CELF2: variants seen among roughly 807,000 people sequenced by gnomAD.
CELF2 encodes CUG triplet repeat RNA-binding protein 2.
In CELF2, 8 loss-of-function variants were observed where a neutral mutation model predicts 62.6. That is an observed-to-expected ratio of 0.13 (90% CI 0.07 to 0.23). CELF2 has a LOEUF of 0.23. Among genes scored for constraint, CELF2 ranks in the 10% least tolerant of loss-of-function variants. The pLI is 1.00. For synonymous variants in CELF2, 258 were observed against 250.0 expected (o/e 1.03, Z -0.30); for missense variants, 333 against 671.0 (o/e 0.50, Z 5.56).
At position 11,305,453 on chromosome 10, in the gene CELF2, GAA is replaced by G. The variant is rs1288903866; in HGVS notation, c.977-8684_977-8683del. Among the ~76,000 whole-genome samples, 1 of 152,212 alleles carries G rather than the reference GAA, an allele frequency of 6.6e-6. No individual in the cohort carries two copies. The highest frequency in any genetic ancestry group is 1.5e-5 in the Non-Finnish European group (1 of 68,044). Reference sequence around the variant, plus strand: ...CTGCTTCCTCATCTTTCAAGCGCAGGAAAGACTCCAGTCTAGTTCACAGTTTG... The same window carrying G: ...CTGCTTCCTCATCTTTCAAGCGCAGGAGACTCCAGTCTAGTTCACAGTTTG... On this transcript the variant is annotated intron_variant, in intron 9 of 12. Transcript: ENST00000633077. This position sits in a 1 kb window ranked among gnomAD's most constrained non-coding sequence, Gnocchi z 4.8.
chr10:11,180,845 C>T (rs1565131680), intron 2 of CELF2, among the ~76,000 whole-genome samples: 1 of 151,504 alleles, frequency 6.6e-6, no homozygotes, highest in Non-Finnish European at 1.5e-5. Context: ...TATGTGGCAG[C>T]ATGGAATGAA....
intron 9 of CELF2, among the ~76,000 whole-genome samples, chr10:11,294,271 T>G (rs2092888388): frequency 6.6e-6 from 1 of 152,206 alleles, no homozygotes; most frequent in African/African-American, 2.4e-5. Flanking sequence ...CCCCAGAAAG[T>G]GCCCATTAGC....
chr10:10,767,743 TC>T, the CELF2 span, among the ~76,000 whole-genome samples: 1 of 152,122 alleles, frequency 6.6e-6, no homozygotes, highest in African/African-American at 2.4e-5. Context: ...ACGCCTGTAA[TC>T]CCAGCACTTT....
chr10:11,155,300 C>T lies in CELF2; in HGVS notation c.75-10186C>T, dbSNP rs74808241. Among the ~76,000 whole-genome samples the T allele has an allele frequency of 2.2e-3, 340 of 152,312 alleles. 2 individuals carry two copies. The East Asian group carries it at 0.032, about 14-fold the overall frequency. ...GCCGTCCTTGGGAATGGCTAGGGAA[C>T]ACATCTGAGCCCCTGCTGCGAGTGG... On this transcript the variant is annotated intron_variant, in intron 1 of 12. Transcript: ENST00000633077.
chr10:10,935,366 T>C (rs1003383753), intron 2 of CELF2: 1 of 152,178 alleles, frequency 6.6e-6, no homozygotes, highest in African/African-American at 2.4e-5. Flanking sequence ...AGCTATTCAT[T>C]TTGTCACCTT....
Position 11,010,713 on chromosome 10 carries a change from AT to A in CELF2, c.53+5277del, listed in dbSNP as rs2137408800. On this transcript the variant is annotated intron_variant, in intron 1 of 12. Coordinates refer to the CELF2 transcript ENST00000416382. This position sits in a 1 kb window ranked among gnomAD's most constrained non-coding sequence, Gnocchi z 4.1. ...ACAGTATAACTATTTAATAGTTGAC[AT>A]TTTAAAGACATTTCTTTCTCTGGTG... 6.6e-6 allele frequency among the ~76,000 whole-genome samples: 1 copy of A among 152,344 alleles called. No individual in the cohort carries two copies. Among genetic ancestry groups the A allele is most frequent in the African/African-American group, 2.4e-5 (1 of 41,576 alleles).
At chr10:10,845,349 T>C (rs1276977796) in intron 1 of CELF2, among the ~76,000 whole-genome samples, 1 of 145,990 alleles carries the variant, frequency 6.8e-6, no homozygotes, top group African/African-American at 2.5e-5. Context: ...AAAAAAAAAC[T>C]GGGAGCTGTT....
rs77129613 is a variant in CELF2 at position 11,136,107 on chromosome 10, A to G, written c.75-29379A>G. Reference sequence around the variant, plus strand: ...TATGCTGCTTTATACTTACTGAGAAATGCAATTCAACCTTGGATTGGAAGG... The same window carrying G: ...TATGCTGCTTTATACTTACTGAGAAGTGCAATTCAACCTTGGATTGGAAGG... On this transcript the variant is annotated intron_variant, in intron 1 of 12. Coordinates refer to ENST00000633077, the MANE Select transcript of CELF2 (RefSeq NM_001326342.2). 3.7e-3 allele frequency among the ~76,000 whole-genome samples: 565 copies of G among 152,358 alleles called. 2 individuals carry two copies. Among genetic ancestry groups the G allele is most frequent in the African/African-American group, 0.013 (543 of 41,586 alleles).
chr10:10,563,535 G>A, the CELF2 span, among the ~76,000 whole-genome samples: 1 of 151,162 alleles, frequency 6.6e-6, no homozygotes, highest in African/African-American at 2.4e-5. Context: ...TTGAACCCAG[G>A]AGACGGAGGT....
At chr10:10,725,699 G>A in the CELF2 span, among the ~76,000 whole-genome samples, 1 of 152,126 alleles carries the variant, frequency 6.6e-6, no homozygotes, top group East Asian at 1.9e-4. Context: ...GCATTTTCTA[G>A]GTGTAGTAAA....
At chr10:10,633,458 C>A in the CELF2 span, among the ~76,000 whole-genome samples, 2 of 152,060 alleles carry the variant, frequency 1.3e-5, no homozygotes, top group African/African-American at 2.4e-5. Context: ...CCATTTCCAA[C>A]TGTTTGTATC....
the CELF2 span, among the ~76,000 whole-genome samples, chr10:10,753,623 G>A: frequency 3.3e-5 from 5 of 152,118 alleles, no homozygotes; most frequent in African/African-American, 9.7e-5. Context: ...GACAACTTAA[G>A]TAGCATTTCT....
At chr10:10,678,324 T>C in the CELF2 span, among the ~76,000 whole-genome samples, 1 of 152,110 alleles carries the variant, frequency 6.6e-6, no homozygotes, top group Non-Finnish European at 1.5e-5. Flanking sequence ...TTACAGCATC[T>C]ATATTTCAGG....
the CELF2 span, among the ~76,000 whole-genome samples, chr10:10,531,886 C>T: frequency 5.3e-5 from 8 of 152,212 alleles, no homozygotes; most frequent in Non-Finnish European, 8.8e-5. Context: ...GTGTTGGGAA[C>T]AGGCCCTGGC....
At chr10:10,486,966 T>A in the CELF2 span, among the ~76,000 whole-genome samples, 1 of 152,200 alleles carries the variant, frequency 6.6e-6, no homozygotes, top group African/African-American at 2.4e-5. Flanking sequence ...ATCCCATCTC[T>A]TCATTCCCCT....
Position 11,165,774 on chromosome 10 carries a change from C to G in CELF2, c.271+92C>G. On this transcript the variant is annotated intron_variant, in intron 2 of 12. Transcript: ENST00000633077. This position sits in a 1 kb window ranked among gnomAD's most constrained non-coding sequence, Gnocchi z 7.4. ...AGCCCCCAGCCTGCAGGAGGAAGGG[C>G]GGGTAGGCAGGAGGGCTGGAAGCAG... 3.2e-6 allele frequency: 4 copies of G among 1,254,476 alleles called. No individual in the cohort carries two copies. Among genetic ancestry groups the G allele is most frequent in the Non-Finnish European group, 4.3e-6 (4 of 919,920 alleles). 77.7% of individuals were successfully genotyped at this position (1,254,476 alleles called of 1,614,324 possible). A position where few individuals can be genotyped will look rare whatever the true frequency, so the allele number is the denominator to read the frequency against.
chr10:10,893,353 T>C (rs1025783557), intron 1 of CELF2, among the ~76,000 whole-genome samples: 4 of 152,156 alleles, frequency 2.6e-5, no homozygotes, highest in African/African-American at 9.7e-5. Flanking sequence ...CTTCCAACAG[T>C]TCCTTTGCCA....
At chr10:10,856,960 C>G (rs1354294068) in intron 1 of CELF2, among the ~76,000 whole-genome samples, 2 of 152,046 alleles carry the variant, frequency 1.3e-5, no homozygotes, top group East Asian at 1.9e-4. Context: ...CATTGGACAA[C>G]AAGGAAGCGT....
At chr10:10,921,848 G>A (rs948124137) in intron 2 of CELF2, among the ~76,000 whole-genome samples, 2 of 152,192 alleles carry the variant, frequency 1.3e-5, no homozygotes, top group African/African-American at 2.4e-5. Flanking sequence ...GAGCCCCCGC[G>A]CCTGGCTCGT....
Sources: allele counts gnomAD v4.1 joint callset (sites outside exome capture counted in the v4.1 genomes callset), GRCh38; gene constraint gnomAD v4.1.1; non-coding constraint Gnocchi (gnomAD v3.1); transcripts MANE v1.5; gene names NCBI Gene and HGNC (gene_info 2026-07-23, HGNC 2026-07-21).